Variants in VPS53 observed in about 807,000 individuals in gnomAD.
VPS53 encodes vacuolar protein sorting-associated protein 53 homolog.
In VPS53, 70 loss-of-function variants were observed where a neutral mutation model predicts 107.0. The ratio of observed to expected loss-of-function variants is 0.65; its 90% CI spans 0.54 to 0.80. The LOEUF (loss-of-function observed/expected upper bound fraction) is 0.80, where lower values mean the gene tolerates loss of function less well. VPS53 is among the 30% of genes least tolerant of loss of function. The probability of loss-of-function intolerance (pLI) is 0.00; values close to 1 mark genes in which losing one functional copy is unlikely to be tolerated. For missense variants in VPS53, 917 were observed against 1,049.4 expected (o/e 0.87, Z 1.74); for synonymous variants, 409 against 393.3 (o/e 1.04, Z -0.47).
chr17:541,480 AC>A (rs1910640921), intron 17 of VPS53, among the ~76,000 whole-genome samples: 1 of 145,692 alleles, frequency 6.9e-6, no homozygotes, highest in African/African-American at 2.6e-5. Context: ...CCTACCATGC[AC>A]CAGGGGCTGA....
In VPS53 at chr17:547,638, C is replaced by CTAAAAACAACTAAA. The variant is rs1597278603; in HGVS notation, c.1866+4233_1866+4234insTTTAGTTGTTTTTA. Among the ~76,000 whole-genome samples the CTAAAAACAACTAAA allele has an allele frequency of 4.6e-5, 7 of 152,148 alleles. No individual in the cohort carries two copies. In the East Asian group the frequency reaches 1.4e-3, roughly 29 times the overall value. On this transcript the variant is annotated intron_variant, in intron 17 of 21. Transcript: ENST00000437048. Reference sequence around the variant, plus strand: ...ATACTAAAAACAACTAAATTGTACACTTTATTTATTTATTTATAAAATAGA... The same window carrying CTAAAAACAACTAAA: ...ATACTAAAAACAACTAAATTGTACACTAAAAACAACTAAATTTATTTATTTATTTATAAAATAGA...
chr17:711,817 A>ATTTT (rs11375713), intron 1 of VPS53, among the ~76,000 whole-genome samples: 1 of 142,518 alleles, frequency 7.0e-6, no homozygotes, highest in Non-Finnish European at 1.5e-5. Context: ...TTCATGGGCA[A>ATTTT]TTTTTTTTTT....
intron 11 of VPS53, among the ~76,000 whole-genome samples, chr17:615,246 G>A (rs192959795): frequency 7.9e-5 from 12 of 152,216 alleles, no homozygotes; most frequent in Admixed American, 1.3e-4. Context: ...ACAGGACATC[G>A]TGAAACTGGT....
chr17:610,769 A>C (rs1373966994), intron 11 of VPS53, among the ~76,000 whole-genome samples: 2 of 150,494 alleles, frequency 1.3e-5, no homozygotes, highest in Non-Finnish European at 3.0e-5. Flanking sequence ...AAAAAAAAAA[A>C]AATACAAAAA....
intron 5 of VPS53, among the ~76,000 whole-genome samples, chr17:657,733 T>C (rs950162951): frequency 6.6e-6 from 1 of 151,944 alleles, no homozygotes; most frequent in African/African-American, 2.4e-5. Flanking sequence ...TGGCCATGAG[T>C]TCATGGATAG....
At chr17:608,818 G>A (rs1025963241) in intron 11 of VPS53, among the ~76,000 whole-genome samples, 1 of 151,636 alleles carries the variant, frequency 6.6e-6, no homozygotes, top group African/African-American at 2.4e-5. Flanking sequence ...GGTCTTCGTG[G>A]CCCAGGCTGG....
intron 7 of VPS53, among the ~76,000 whole-genome samples, chr17:643,592 TGG>T (rs1970547703): frequency 1.4e-5 from 2 of 141,742 alleles, no homozygotes; most frequent in East Asian, 2.1e-4. Flanking sequence ...CACTCATACT[TGG>T]CAACCGAGGA....
In VPS53 at chr17:679,831, G is replaced by C. The variant is rs74654352; in HGVS notation, c.285+17587C>G. 2.6e-3 allele frequency among the ~76,000 whole-genome samples: 400 copies of C among 152,208 alleles called. 3 individuals carry two copies. Among genetic ancestry groups the C allele is most frequent in the African/African-American group, 9.3e-3 (387 of 41,544 alleles). On this transcript the variant is annotated intron_variant, in intron 4 of 21. Coordinates refer to ENST00000437048, the MANE Select transcript of VPS53 (RefSeq NM_001128159.3). ...ATGGTCTCTGCGGTTGCAAAAAATG[G>C]GAAGCATCCCAGTTTGTTTTATAAA...
chr17:610,039 G>A lies in VPS53; in HGVS notation c.1117-8143C>T, dbSNP rs530813084. 1.3e-3 allele frequency among the ~76,000 whole-genome samples: 200 copies of A among 152,022 alleles called. 1 individual carries two copies. The highest frequency in any genetic ancestry group is 3.9e-3 in the African/African-American group (161 of 41,468). On this transcript the variant is annotated intron_variant, in intron 11 of 21. Transcript: ENST00000437048. ...CCCAGCTACGCGGAGGCTGAGGCAGGAGAATGGCGTGAACCCAGGAGGCAG... is the reference window on the plus strand; with the variant it reads ...CCCAGCTACGCGGAGGCTGAGGCAGAAGAATGGCGTGAACCCAGGAGGCAG...
rs535038084 is a variant in VPS53, at chr17:530,279, G to A, written c.2085+2563C>T. ...AGCAATTCTCCTGCCTCAGCCTCTC[G>A]AGCAGCTGGGATTACAGGCGCACCA... is the stretch of plus-strand genomic sequence containing the variant. On this transcript the variant is annotated intron_variant, in intron 19 of 21. Coordinates refer to ENST00000437048, the MANE Select transcript of VPS53 (RefSeq NM_001128159.3). 1.3e-3 allele frequency among the ~76,000 whole-genome samples: 202 copies of A among 151,226 alleles called. 1 individual carries two copies. Among genetic ancestry groups the A allele is most frequent in the Middle Eastern group, 6.8e-3 (2 of 292 alleles).
At chr17:555,164 C>T (rs2151842495) in intron 15 of VPS53, among the ~76,000 whole-genome samples, 1 of 152,370 alleles carries the variant, frequency 6.6e-6, no homozygotes, top group East Asian at 1.9e-4. Context: ...GAATTGGGTC[C>T]TGCCCAGCTT....
chr17:651,891 C>T (rs948788450), intron 7 of VPS53, among the ~76,000 whole-genome samples: 1 of 152,184 alleles, frequency 6.6e-6, no homozygotes, highest in African/African-American at 2.4e-5. Context: ...AAATTACTTT[C>T]CTTTCCACTG....
At chr17:594,160 G>C (rs548651327) in intron 12 of VPS53, among the ~76,000 whole-genome samples, 1 of 151,996 alleles carries the variant, frequency 6.6e-6, no homozygotes, top group Non-Finnish European at 1.5e-5. Flanking sequence ...GGACTGTTGT[G>C]GGGTGGGAGG....
At chr17:599,197 C>A (rs1225355100) in intron 12 of VPS53, among the ~76,000 whole-genome samples, 1 of 151,716 alleles carries the variant, frequency 6.6e-6, no homozygotes, top group Admixed American at 6.6e-5. Flanking sequence ...CCCGGCCGCC[C>A]CTACTGGGAA....
chr17:522,459 A>G (rs2151794991), intron 19 of VPS53, among the ~76,000 whole-genome samples: 1 of 152,360 alleles, frequency 6.6e-6, no homozygotes, highest in Non-Finnish European at 1.5e-5. Context: ...CTAAAGAAGA[A>G]TCGTGATTTA....
rs375109819 is a variant in VPS53 at position 655,937 on chromosome 17, C to T, written c.389G>A (p.Arg130His). 9.3e-6 allele frequency: 15 copies of T among 1,613,556 alleles called. No homozygotes were observed. Among genetic ancestry groups the T allele is most frequent in the African/African-American group, 1.3e-5 (1 of 74,870 alleles). The part of the protein sequence containing the change: ...KSEQMVKEIT[R>H]DIKQLDHAKR... ...GGCGTGATCTAATTGCTTAATATCA[C>T]GGGTGATTTCTTTCACCTAAACATT... is the stretch of plus-strand genomic sequence containing the variant. Residue 130 changes from arginine (R) to histidine (H), a missense_variant, in exon 6 of 22, where the codon CGT becomes CAT. By Grantham distance (29) the Arg-to-His change is conservative. Coordinates refer to ENST00000437048, the MANE Select transcript of VPS53 (RefSeq NM_001128159.3).
intron 2 of VPS53, chr17:705,563 A>C (rs563601090): frequency 6.6e-6 from 1 of 152,340 alleles, no homozygotes; most frequent in Non-Finnish European, 1.5e-5. Context: ...AACATGGTGA[A>C]ACCCCATCTC....
chr17:514,305 C>T lies in VPS53; in HGVS notation c.*4823G>A, dbSNP rs965591761. 5.3e-5 allele frequency: 7 copies of T among 131,250 alleles called. No individual in the cohort carries two copies. The highest frequency in any genetic ancestry group is 4.2e-3 in the Middle Eastern group (1 of 236). The allele number at this position is 131,250 out of a possible 1,614,324, so 8.1% of individuals were successfully genotyped here. A position where few individuals can be genotyped will look rare whatever the true frequency, so the allele number is the denominator to read the frequency against. On this transcript the variant is annotated 3_prime_UTR_variant, in exon 22 of 22. Coordinates refer to ENST00000437048, the MANE Select transcript of VPS53 (RefSeq NM_001128159.3). Reference sequence around the variant, plus strand: ...CCAGCAGGTTATTCCGAGTGCTCTTCCTAGGGAAGGAACCCCATTTCCAGC... The same window carrying T: ...CCAGCAGGTTATTCCGAGTGCTCTTTCTAGGGAAGGAACCCCATTTCCAGC...
chr17:685,261 G>A lies in VPS53; in HGVS notation c.285+12157C>T, dbSNP rs185645742. The A allele has an allele frequency of 7.2e-5, 11 of 152,288 alleles. No individual in the cohort carries two copies. The East Asian group carries it at 2.1e-3, about 29-fold the overall frequency. 9.4% of individuals were successfully genotyped at this position (152,288 alleles called of 1,614,324 possible). Reference sequence around the variant, plus strand: ...AAAGGCTCCCTGCAGTGACCCAGGTGTCAGTTCCTTCTGTTCATTACAATA... The same window carrying A: ...AAAGGCTCCCTGCAGTGACCCAGGTATCAGTTCCTTCTGTTCATTACAATA... On this transcript the variant is annotated intron_variant, in intron 4 of 21. Coordinates refer to ENST00000437048, the MANE Select transcript of VPS53 (RefSeq NM_001128159.3).
Sources: allele counts gnomAD v4.1 joint callset (sites outside exome capture counted in the v4.1 genomes callset), GRCh38; gene constraint gnomAD v4.1.1; transcripts MANE v1.5; gene names NCBI Gene and HGNC (gene_info 2026-07-23, HGNC 2026-07-21).